C2: variants seen among roughly 807,000 people sequenced by gnomAD.
C2 encodes the protein C3/C5 convertase.
Under a neutral mutation model 85.2 loss-of-function variants are expected in C2, and 64 were observed. The observed-to-expected ratio is 0.75, with a 90% CI of 0.61 to 0.92. The LOEUF (loss-of-function observed/expected upper bound fraction) is 0.92, where lower values mean the gene tolerates loss of function less well. Ranked by LOEUF, C2 falls within the 40% of genes least tolerant of loss-of-function variation. The pLI is 0.00. For missense variants in C2, 820 were observed against 971.6 expected (o/e 0.84, Z 2.07); for synonymous variants, 311 against 370.8 (o/e 0.84, Z 1.85).
intron 7 of C2, 198 bp downstream of exon 7, chr6:31,936,259 T>A (rs1261700713): frequency 4.8e-6 from 3 of 623,868 alleles, no homozygotes; most frequent in Non-Finnish European, 8.6e-6. Flanking sequence ...CATTCTGAGA[T>A]GCTGCAGGTC....
In C2 at chr6:31,921,798, A is replaced by G. The variant is rs1212548736; in HGVS notation, c.-100+1772A>G. On this transcript the variant is annotated intron_variant, in intron 1 of 3. Transcript: ENST00000413154. This position sits in a 1 kb window ranked among gnomAD's most constrained non-coding sequence, Gnocchi z 4.6. ...CTGTCTGGCACTATGTCCTGCTAAT[A>G]TGAAGTCTTCCTCCCCCAGAAGCAG... Among the ~76,000 whole-genome samples, 3 of 152,166 alleles carry G rather than the reference A, an allele frequency of 2.0e-5. No homozygotes were observed. Among genetic ancestry groups the G allele is most frequent in the African/African-American group, 7.2e-5 (3 of 41,434 alleles).
rs199946097 is a variant in C2, at chr6:31,933,732, C to T, written c.565C>T (p.Arg189Trp). ...TCTTGTGCTCACGGGGTCTTCGGAG[C>T]GGGAGTGCCAGGGCAACGGGGTCTG... ...SNLVLTGSSE[R>W]ECQGNGVWSG... is the part of the protein sequence containing the mutation. The change falls in exon 4 of 18, where the codon CGG becomes TGG. Residue 189 changes from arginine to tryptophan, a missense_variant. Coordinates refer to ENST00000299367, the MANE Select transcript of C2 (RefSeq NM_000063.6). 2.6e-5 allele frequency: 42 copies of T among 1,613,366 alleles called. No individual in the cohort carries two copies. Among genetic ancestry groups the T allele is most frequent in the Non-Finnish European group, 3.2e-5 (38 of 1,180,038 alleles).
rs1767574789 is a variant in C2, at chr6:31,904,330, T to C, written c.73+3191T>C. ...TATTTTAATTAATTAATTAATTTAT[T>C]TAGCTGGAGTTTTGCTCTTGTCACC... On this transcript the variant is annotated intron_variant, in intron 1 of 3. Transcript: ENST00000452202. This position sits in a 1 kb window ranked among gnomAD's most constrained non-coding sequence, Gnocchi z 4.4. Among the ~76,000 whole-genome samples the C allele has an allele frequency of 1.3e-5, 2 of 152,052 alleles. No homozygotes were observed. The highest frequency in any genetic ancestry group is 2.9e-5 in the Non-Finnish European group (2 of 68,034).
rs772370907 is a variant in C2, at chr6:31,902,444, C to G, written c.73+1305C>G. On this transcript the variant is annotated intron_variant, in intron 1 of 3. Transcript: ENST00000452202. The stretch of plus-strand genomic sequence containing the variant: ...TTCTCTCGGCTGCGGGCGCTGCCAC[C>G]TGCTCCCAGGGGTGGTGCGTCTCCG... 5.5e-4 allele frequency among the ~76,000 whole-genome samples: 83 copies of G among 152,244 alleles called. 2 individuals are homozygous for G. In the East Asian group the frequency reaches 0.016, roughly 29 times the overall value.
chr6:31,902,301 G>A (rs1312327990), intron 1 of C2, among the ~76,000 whole-genome samples: 5 of 151,630 alleles, frequency 3.3e-5, no homozygotes, highest in African/African-American at 9.7e-5. Context: ...CGTGCCAAGT[G>A]CCGCGCGGAG....
At chr6:31,923,818 G>C (rs1175565063), upstream of C2, among the ~76,000 whole-genome samples, 8 of 136,668 alleles carry the variant, frequency 5.9e-5, no homozygotes, top group Non-Finnish European at 9.3e-5. Flanking sequence ...TATTTTTTTT[G>C]AGATGGAGTC....
In C2 at chr6:31,944,279, T is replaced by C; in HGVS notation, c.1902+53T>C. On this transcript the variant is annotated intron_variant, in intron 15 of 17. Coordinates refer to ENST00000299367, the MANE Select transcript of C2 (RefSeq NM_000063.6). The surrounding 1 kb of genome is among the most constrained non-coding windows in gnomAD (Gnocchi z 5.1). ...GATCCCCCTGTGACAGCTCCCAGAATGTCTCTCTTCCTTCTCCAGGTCTGG... is the reference window on the plus strand; with the variant it reads ...GATCCCCCTGTGACAGCTCCCAGAACGTCTCTCTTCCTTCTCCAGGTCTGG... 8.0e-7 allele frequency: 1 copy of C among 1,242,398 alleles called. No homozygotes were observed. The highest frequency in any genetic ancestry group is 1.2e-6 in the Non-Finnish European group (1 of 842,702). The allele number at this position is 1,242,398 out of a possible 1,614,324, so 77.0% of individuals were successfully genotyped here.
chr6:31,932,739 C>G (rs886175643), intron 3 of C2, among the ~76,000 whole-genome samples: 3 of 152,208 alleles, frequency 2.0e-5, no homozygotes, highest in African/African-American at 7.2e-5. Context: ...GCTGCAATCT[C>G]GGCACTTTGG....
In C2 at chr6:31,945,238, C is replaced by T. The variant is rs748385135; in HGVS notation, c.2140C>T (p.Arg714Cys). The change falls in exon 18 of 18, where the codon CGC becomes TGC. Residue 714 changes from arginine to cysteine, a missense_variant. Arg to Cys is a radical substitution (Grantham distance 180). Coordinates refer to ENST00000299367, the MANE Select transcript of C2 (RefSeq NM_000063.6). The surrounding 1 kb of genome is among the most constrained non-coding windows in gnomAD (Gnocchi z 5.3). ...PCLGSADKNS[R>C]KRAPRSKVPP... ...CCTTGGCTCTGCTGACAAAAACTCC[C>T]GCAAAAGGGCCCCTCGTAGCAAGGT... 34 of 1,612,852 alleles carry T rather than the reference C, an allele frequency of 2.1e-5. No homozygotes were observed. Among genetic ancestry groups the T allele is most frequent in the South Asian group, 3.3e-5 (3 of 91,086 alleles).
upstream of C2, among the ~76,000 whole-genome samples, chr6:31,919,198 G>C (rs1768787064): frequency 6.7e-6 from 1 of 148,356 alleles, no homozygotes; most frequent in Admixed American, 6.8e-5. Flanking sequence ...AGGTTGGAGT[G>C]CAGTGGTGCA....
chr6:31,900,454 G>C, upstream of C2: 1 of 1,579,448 alleles, frequency 6.3e-7, no homozygotes, highest in Non-Finnish European at 8.6e-7. This position sits in a 1 kb window ranked among gnomAD's most constrained non-coding sequence, Gnocchi z 9.7. Flanking sequence ...CGCTGGCCCG[G>C]CCTCCGGGAA....
At chr6:31,927,096 T>C (rs1376988731), upstream of C2, among the ~76,000 whole-genome samples, 1 of 152,176 alleles carries the variant, frequency 6.6e-6, no homozygotes, top group Non-Finnish European at 1.5e-5. This position sits in a 1 kb window ranked among gnomAD's most constrained non-coding sequence, Gnocchi z 4.7. Context: ...CAAAACTAAG[T>C]GTTGATTTCA....
chr6:31,917,775 A>G (rs566971083), upstream of C2, among the ~76,000 whole-genome samples: 17 of 151,986 alleles, frequency 1.1e-4, no homozygotes, highest in East Asian at 2.7e-3. Context: ...GCGTGGTGTC[A>G]GCCGTTTGTA....
chr6:31,911,577 C>T (rs141202559), intron 1 of C2, among the ~76,000 whole-genome samples: 7 of 150,816 alleles, frequency 4.6e-5, no homozygotes, highest in African/African-American at 1.2e-4. Context: ...AGTTTTAATT[C>T]GGAGTCTGAG....
upstream of C2, chr6:31,927,676 G>A: frequency 6.2e-7 from 1 of 1,612,410 alleles, no homozygotes; most frequent in African/African-American, 1.3e-5. This position sits in a 1 kb window ranked among gnomAD's most constrained non-coding sequence, Gnocchi z 4.7. Flanking sequence ...TGCTGACCCA[G>A]CTCTAGTTTT....
rs777947112 is a variant in C2, at chr6:31,943,253, C to T, written c.1389C>T (p.Cys463=). ...LDVSKLTDTI[C]GVGNMSANAS... is the part of the protein sequence containing the mutation. ...TCTCCAAGCTCACAGACACCATCTGCGGGGTGGGGAACATGTCAGCAAACG... is the reference window on the plus strand; with the variant it reads ...TCTCCAAGCTCACAGACACCATCTGTGGGGTGGGGAACATGTCAGCAAACG... The change falls in exon 11 of 18, where the codon TGC becomes TGT. Residue 463 remains cysteine, a synonymous_variant. Transcript: ENST00000299367. The surrounding 1 kb of genome is among the most constrained non-coding windows in gnomAD (Gnocchi z 6.4). 47 of 1,612,206 alleles carry T rather than the reference C, an allele frequency of 2.9e-5. No individual in the cohort carries two copies. In the Middle Eastern group the frequency reaches 5.0e-4, roughly 17 times the overall value.
upstream of C2, chr6:31,897,833 TG>T: frequency 9.6e-7 from 1 of 1,040,326 alleles, no homozygotes. Context: ...TGTCCTAAGC[TG>T]GGAGCTGCAA....
chr6:31,907,199 A>C (rs541435868), intron 1 of C2, among the ~76,000 whole-genome samples: 29 of 152,026 alleles, frequency 1.9e-4, no homozygotes, highest in African/African-American at 7.0e-4. Flanking sequence ...TTACAAACTC[A>C]AAATTCAAAG....
rs911259230 is a variant in C2, at chr6:31,904,943, T to C, written c.73+3804T>C. 6.6e-6 allele frequency among the ~76,000 whole-genome samples: 1 copy of C among 151,972 alleles called. No homozygotes were observed. Among genetic ancestry groups the C allele is most frequent in the Non-Finnish European group, 1.5e-5 (1 of 68,008 alleles). ...AAAACAAGCAGAGGTGCACAAACTC[T>C]TTTCCATGTAGTCTGGTGGAGAGAT... is the stretch of plus-strand genomic sequence containing the variant. On this transcript the variant is annotated intron_variant, in intron 1 of 3. Coordinates refer to the C2 transcript ENST00000452202. The surrounding 1 kb of genome is among the most constrained non-coding windows in gnomAD (Gnocchi z 4.4).
Sources: gnomAD v4.1 joint callset for allele counts (sites outside exome capture counted in the v4.1 genomes callset) on GRCh38, gnomAD v4.1.1 for gene constraint, Gnocchi (gnomAD v3.1) non-coding constraint, MANE v1.5 for transcripts, NCBI Gene and HGNC (gene_info 2026-07-23, HGNC 2026-07-21) for gene names.